The following CACYBP variants were observed in gnomAD, a reference collection of about 807,000 sequenced individuals.
CACYBP encodes the protein calcyclin-binding protein.
CACYBP carries 11 observed loss-of-function variants against 29.6 expected under a neutral mutation model. The observed-to-expected ratio is 0.37, with a 90% CI of 0.23 to 0.61. The LOEUF is 0.61. CACYBP is among the 20% of genes least tolerant of loss of function. The pLI is 0.65. For synonymous variants in CACYBP, 73 were observed against 88.3 expected (o/e 0.83, Z 0.97); for missense variants, 163 against 260.7 (o/e 0.63, Z 2.58).
rs1672728892 is a variant in CACYBP at position 175,010,719 on chromosome 1, A to G, written c.*640A>G. The G allele has an allele frequency of 6.6e-6, 1 of 152,206 alleles. No individual in the cohort carries two copies. The highest frequency in any genetic ancestry group is 1.5e-5 in the Non-Finnish European group (1 of 68,054). 9.4% of individuals were successfully genotyped at this position (152,206 alleles called of 1,614,324 possible). ...AGTTTTGCCGTGGATCAGATGGTTT[A>G]TAAAAGTAATAACCATAAAGCAAAA... On this transcript the variant is annotated 3_prime_UTR_variant, in exon 6 of 6. Transcript: ENST00000367679.
intron 1 of CACYBP, among the ~76,000 whole-genome samples, chr1:175,003,733 C>G (rs1030863357): frequency 6.6e-6 from 1 of 152,028 alleles, no homozygotes; most frequent in Non-Finnish European, 1.5e-5. Context: ...TTGGAAAGAT[C>G]TTGTGTATTT....
In CACYBP at chr1:175,000,525, A is replaced by G. The variant is rs551606536; in HGVS notation, c.15+330A>G. ...CCCTTTCTGCCCTGGTTTCCCAGCC[A>G]GTGGACAGGAAGCTTCATTCAAGCA... On this transcript the variant is annotated intron_variant, in intron 1 of 5. Coordinates refer to ENST00000367679, the MANE Select transcript of CACYBP (RefSeq NM_014412.3). 2.4e-6 allele frequency: 3 copies of G among 1,248,888 alleles called. No homozygotes were observed. The African/African-American group carries it at 4.8e-5, about 20-fold the overall frequency. The allele number at this position is 1,248,888 out of a possible 1,614,324, so 77.4% of individuals were successfully genotyped here.
chr1:175,005,718 A>G (rs1289470472), intron 2 of CACYBP, among the ~76,000 whole-genome samples: 2 of 152,226 alleles, frequency 1.3e-5, no homozygotes, highest in Non-Finnish European at 2.9e-5. Flanking sequence ...TCAGTTGAGT[A>G]TAGGAAACTG....
chr1:175,008,812 A>G lies in CACYBP; in HGVS notation c.530+106A>G, dbSNP rs1672679865. The G allele has an allele frequency of 5.8e-6, 4 of 685,942 alleles. No homozygotes were observed. The Admixed American group carries it at 6.7e-5, about 12-fold the overall frequency. The allele number at this position is 685,942 out of a possible 1,614,324, so 42.5% of individuals were successfully genotyped here. On this transcript the variant is annotated intron_variant, in intron 5 of 5. Transcript: ENST00000367679. Reference sequence around the variant, plus strand: ...AATGTATTTCTGCTTTCAACTGTCAAACTACCTGAAGAGGGCACGTCCAGC... The same window carrying G: ...AATGTATTTCTGCTTTCAACTGTCAGACTACCTGAAGAGGGCACGTCCAGC...
intron 2 of CACYBP, chr1:175,005,140 T>G (rs1672587245): frequency 5.5e-6 from 2 of 362,558 alleles, no homozygotes; most frequent in East Asian, 1.2e-4. Context: ...TAATCATGTT[T>G]TATGTTTCAC....
chr1:175,007,110 T>C lies in CACYBP; in HGVS notation c.345T>C (p.Leu115=). The change falls in exon 4 of 6, where the codon CTT becomes CTC. Residue 115 remains leucine (L), a synonymous_variant. Transcript: ENST00000367679. The stretch of plus-strand genomic sequence containing the variant: ...CATTGTGTTGCAGGTCATTTGATCT[T>C]TTGGTAAAGAATCTAAATGGGAAGA... The part of the protein sequence containing the change: ...QVHFTERSFD[L]LVKNLNGKSY... 3 of 1,602,782 alleles carry C rather than the reference T, an allele frequency of 1.9e-6. No individual in the cohort carries two copies. The highest frequency in any genetic ancestry group is 2.6e-6 in the Non-Finnish European group (3 of 1,170,620).
chr1:175,009,817 T>G, intron 5 of CACYBP, 106 bp from the exon 6 acceptor site: 1 of 798,652 alleles, frequency 1.3e-6, no homozygotes, highest in South Asian at 2.0e-5. Context: ...TTGGGTACTC[T>G]GTCTTCCTTC....
intron 2 of CACYBP, 147 bp from the exon 3 acceptor site, chr1:175,006,598 A>G (rs1672623627): frequency 3.7e-6 from 2 of 536,128 alleles, no homozygotes; most frequent in Non-Finnish European, 6.6e-6. Flanking sequence ...CTCAACCTAG[A>G]AAATTTCTTA....
In CACYBP at chr1:175,007,730, G is replaced by T. The variant is rs149173026; in HGVS notation, c.432+533G>T. ...ATGTAAAGTGCTTAAATTAATGCTAGTGTTAGCATTGTGCATAATACTCGT... is the reference window on the plus strand; with the variant it reads ...ATGTAAAGTGCTTAAATTAATGCTATTGTTAGCATTGTGCATAATACTCGT... On this transcript the variant is annotated intron_variant, in intron 4 of 5. Transcript: ENST00000367679. Among the ~76,000 whole-genome samples the T allele has an allele frequency of 6.8e-4, 104 of 152,270 alleles. 1 individual carries two copies. Among genetic ancestry groups the T allele is most frequent in the African/African-American group, 2.3e-3 (96 of 41,556 alleles).
Position 175,004,816 on chromosome 1 carries a change from T to A in CACYBP, c.218T>A (p.Val73Glu). 1.2e-6 allele frequency: 2 copies of A among 1,608,716 alleles called. No individual in the cohort carries two copies. Among genetic ancestry groups the A allele is most frequent in the Non-Finnish European group, 1.7e-6 (2 of 1,175,134 alleles). The change falls in exon 2 of 6, where the codon GTG becomes GAG. Residue 73 changes from valine (V) to glutamate (E), a missense_variant. Val to Glu is a moderately radical substitution (Grantham distance 121, BLOSUM62 -2). Coordinates refer to ENST00000367679, the MANE Select transcript of CACYBP (RefSeq NM_014412.3). ...VVAPITTGYT[V>E]KISNYGWDQS... ...GCTCCCATTACAACGGGCTATACGG[T>A]GAAAATCAGTAATTATGGTATGACT...
In CACYBP at chr1:175,004,619, G is replaced by C; in HGVS notation, c.21G>C (p.Gln7His). Residue 7 changes from glutamine (Q) to histidine (H), a missense_variant, in exon 2 of 6, where the codon CAG (glutamine) becomes CAC (histidine). By Grantham distance (24) the Gln-to-His change is conservative. Coordinates refer to ENST00000367679, the MANE Select transcript of CACYBP (RefSeq NM_014412.3). MASEEL[Q>H]KDLEEVKVLL... ...TATTTTTTGTCTTAACACAGCTACAGAAAGATCTAGAAGAGGTAAAGGTGT... is the reference window on the plus strand; with the variant it reads ...TATTTTTTGTCTTAACACAGCTACACAAAGATCTAGAAGAGGTAAAGGTGT... 2 of 1,582,960 alleles carry C rather than the reference G, an allele frequency of 1.3e-6. No homozygotes were observed. Among genetic ancestry groups the C allele is most frequent in the Non-Finnish European group, 1.7e-6 (2 of 1,167,036 alleles).
Position 175,000,026 on chromosome 1 carries a change from G to A in CACYBP, c.-155G>A, listed in dbSNP as rs1672422902. On this transcript the variant is annotated 5_prime_UTR_variant, in exon 1 of 6. Coordinates refer to ENST00000367679, the MANE Select transcript of CACYBP (RefSeq NM_014412.3). ...CGAGATCCGTCGCGTGCGGGAGGCG[G>A]GCCGCGATCTTGCGCAGGGTCGGTG... 2.7e-6 allele frequency: 3 copies of A among 1,100,316 alleles called. No homozygotes were observed. In the South Asian group the frequency reaches 4.1e-5, roughly 15 times the overall value. The allele number at this position is 1,100,316 out of a possible 1,614,324, so 68.2% of individuals were successfully genotyped here. A position where few individuals can be genotyped will look rare whatever the true frequency, so the allele number is the denominator to read the frequency against.
rs1320884060 is a variant in CACYBP, at chr1:175,011,424, G to C, written c.*1345G>C. On this transcript the variant is annotated 3_prime_UTR_variant, in exon 6 of 6. Transcript: ENST00000367679. Reference sequence around the variant, plus strand: ...ATAGATATATTCCAAGCCGCCTGACGATCTAATTGTAAAAAGTAAAGCATA... The same window carrying C: ...ATAGATATATTCCAAGCCGCCTGACCATCTAATTGTAAAAAGTAAAGCATA... 1 of 151,944 alleles carries C rather than the reference G, an allele frequency of 6.6e-6. No homozygotes were observed. The highest frequency in any genetic ancestry group is 2.4e-5 in the African/African-American group (1 of 41,370). 9.4% of individuals were successfully genotyped at this position (151,944 alleles called of 1,614,324 possible).
chr1:175,000,258 C>T (rs1672436391), intron 1 of CACYBP, 63 bp downstream of exon 1: 2 of 1,554,238 alleles, frequency 1.3e-6, no homozygotes, highest in Admixed American at 1.9e-5. Context: ...CAGCCTCCCG[C>T]CCTACCGCCG....
intron 1 of CACYBP, chr1:175,000,494 C>T (rs1672446235): frequency 7.6e-7 from 1 of 1,317,838 alleles, no homozygotes. Context: ...GCGCGTGTTC[C>T]TCAGGCCCTT....
chr1:175,009,363 A>C (rs1024368069), intron 5 of CACYBP, among the ~76,000 whole-genome samples: 4 of 152,250 alleles, frequency 2.6e-5, no homozygotes, highest in Middle Eastern at 3.4e-3. Context: ...AAATCACAGG[A>C]GGCCAGGTGG....
intron 1 of CACYBP, 187 bp downstream of exon 1, chr1:175,000,382 C>T: frequency 1.4e-6 from 2 of 1,420,438 alleles, no homozygotes; most frequent in South Asian, 1.5e-5. Context: ...CCAGCGCTTC[C>T]ACTCGACCTC....
chr1:175,005,036 T>C (rs1003202392), intron 2 of CACYBP: 3 of 590,338 alleles, frequency 5.1e-6, no homozygotes, highest in Non-Finnish European at 9.1e-6. Flanking sequence ...AGTAAGGTGA[T>C]TCACTACAAA....
chr1:175,004,895 A>C, intron 2 of CACYBP, 62 bp downstream of exon 2: 1 of 1,041,594 alleles, frequency 9.6e-7, no homozygotes, highest in South Asian at 1.3e-5. Context: ...ATAGTGGTCT[A>C]ACAAATTCAT....
Sources: gnomAD v4.1 joint callset for allele counts (sites outside exome capture counted in the v4.1 genomes callset) on GRCh38, gnomAD v4.1.1 for gene constraint, MANE v1.5 for transcripts, NCBI Gene and HGNC (gene_info 2026-07-23, HGNC 2026-07-21) for gene names.